ASB6: variants seen among roughly 807,000 people sequenced by gnomAD.
ASB6 encodes the protein ankyrin repeat and SOCS box containing 6, also known as ankyrin repeat and SOCS box protein 6.
A neutral mutation model predicts 28.6 loss-of-function variants in ASB6; 24 were observed. That is an observed-to-expected ratio of 0.84 (90% CI 0.61 to 1.18). ASB6 has a LOEUF of 1.18. ASB6 is among the 50% of genes most tolerant of loss of function. The pLI is 0.00. For missense variants in ASB6, 519 were observed against 559.8 expected (o/e 0.93, Z 0.74); for synonymous variants, 267 against 243.4 (o/e 1.10, Z -0.90).
intron 4 of ASB6, among the ~76,000 whole-genome samples, 187 bp downstream of exon 4, chr9:129,639,015 G>A (rs1831628159): frequency 6.6e-6 from 1 of 152,236 alleles, no homozygotes; most frequent in African/African-American, 2.4e-5. Flanking sequence ...GACAATGACT[G>A]CACTGCCTCT....
rs920918908 is a variant in ASB6, at chr9:129,636,862, G to A, written c.*928C>T. On this transcript the variant is annotated 3_prime_UTR_variant, in exon 6 of 6. Transcript: ENST00000277458. Reference sequence around the variant, plus strand: ...AGCCTCTATCCTGAACTATGGAGGGGCGGGGTGGAAATTTTATATAAGGAC... The same window carrying A: ...AGCCTCTATCCTGAACTATGGAGGGACGGGGTGGAAATTTTATATAAGGAC... The A allele has an allele frequency of 1.3e-5, 2 of 152,132 alleles. No individual in the cohort carries two copies. Among genetic ancestry groups the A allele is most frequent in the African/African-American group, 2.4e-5 (1 of 41,402 alleles). The allele number at this position is 152,132 out of a possible 1,614,324, so 9.4% of individuals were successfully genotyped here. A position where few individuals can be genotyped will look rare whatever the true frequency, so the allele number is the denominator to read the frequency against.
At chr9:129,639,067 G>T in intron 4 of ASB6, 135 bp downstream of exon 4, 2 of 865,452 alleles carry the variant, frequency 2.3e-6, no homozygotes, top group Non-Finnish European at 3.6e-6. Context: ...ATCCCTGTGT[G>T]CCCAGCCATG....
Position 129,638,574 on chromosome 9 carries a change from T to A in ASB6, c.597A>T (p.Gly199=), listed in dbSNP as rs1284295823. Residue 199 remains glycine (G), a splice_region_variant and synonymous_variant, in exon 5 of 6, where the codon GGA becomes GGT. Coordinates refer to ENST00000277458, the MANE Select transcript of ASB6 (RefSeq NM_017873.4). ...NTENIRLLLE[G]GADVKATTKD... ...GGCCTAGGAGCGCGCCAGCCTCACCTCCTTCCAGTAAGAGACGAATGTTCT... is the reference window on the plus strand; with the variant it reads ...GGCCTAGGAGCGCGCCAGCCTCACCACCTTCCAGTAAGAGACGAATGTTCT... The A allele has an allele frequency of 1.4e-5, 22 of 1,613,922 alleles. No individual in the cohort carries two copies. The highest frequency in any genetic ancestry group is 3.3e-5 in the South Asian group (3 of 91,028).
At position 129,637,554 on chromosome 9, in the gene ASB6, T is replaced by G; in HGVS notation, c.*236A>C. The G allele has an allele frequency of 3.9e-5, 15 of 383,968 alleles. No homozygotes were observed. The highest frequency in any genetic ancestry group is 6.9e-4 in the Middle Eastern group (1 of 1,444). The allele number at this position is 383,968 out of a possible 1,614,324, so 23.8% of individuals were successfully genotyped here. ...CCAAGCCCTGTTCCTCTTTCCAACATGGGGGGGACTTGGAGTGCCGCTGGA... is the reference window on the plus strand; with the variant it reads ...CCAAGCCCTGTTCCTCTTTCCAACAGGGGGGGGACTTGGAGTGCCGCTGGA... On this transcript the variant is annotated 3_prime_UTR_variant, in exon 6 of 6. Transcript: ENST00000277458.
Position 129,638,072 on chromosome 9 carries a change from A to G in ASB6, c.984T>C (p.Thr328=), listed in dbSNP as rs762017113. 9 of 1,614,224 alleles carry G rather than the reference A, an allele frequency of 5.6e-6. No individual in the cohort carries two copies. Among genetic ancestry groups the G allele is most frequent in the Non-Finnish European group, 2.5e-6 (3 of 1,180,050 alleles). Residue 328 remains threonine (T), a synonymous_variant, in exon 6 of 6, where the codon ACT becomes ACC. Transcript: ENST00000277458. ...SHADLLRKAE[T]VLDLMVTNSQ... ...AGTTGGTCACCATGAGATCCAGGACAGTCTCAGCTTTGCGCAGGAGGTCCG... is the reference window on the plus strand; with the variant it reads ...AGTTGGTCACCATGAGATCCAGGACGGTCTCAGCTTTGCGCAGGAGGTCCG...
At position 129,637,681 on chromosome 9, in the gene ASB6, C is replaced by G. The variant is rs1831588596; in HGVS notation, c.*109G>C. ...CTGGCTGGCTTTTCTCATGAAGGAT[C>G]CCGTCTCATCTCCCAGATCAAAAAG... On this transcript the variant is annotated 3_prime_UTR_variant, in exon 6 of 6. Coordinates refer to ENST00000277458, the MANE Select transcript of ASB6 (RefSeq NM_017873.4). 13 of 1,185,768 alleles carry G rather than the reference C, an allele frequency of 1.1e-5. No homozygotes were observed. Among genetic ancestry groups the G allele is most frequent in the African/African-American group, 1.5e-5 (1 of 65,106 alleles). 73.5% of individuals were successfully genotyped at this position (1,185,768 alleles called of 1,614,324 possible).
rs769882744 is a variant in ASB6 at position 129,635,345 on chromosome 9, C to T, written c.*2445G>A. ...GGACGACGTGGACAGCAGCGTGTGC[C>T]GGGACCTTGACGTGGTCCGCAGGAT... On this transcript the variant is annotated 3_prime_UTR_variant, in exon 6 of 6. Coordinates refer to ENST00000277458, the MANE Select transcript of ASB6 (RefSeq NM_017873.4). The T allele has an allele frequency of 2.5e-6, 4 of 1,613,796 alleles. No individual in the cohort carries two copies. Among genetic ancestry groups the T allele is most frequent in the South Asian group, 1.1e-5 (1 of 91,090 alleles).
Position 129,640,631 on chromosome 9 carries a change from C to CCTTGAGCAGG in ASB6, c.204_205insCCTGCTCAAG (p.Val69ProfsTer13), listed in dbSNP as rs1831673714. 6.2e-7 allele frequency: 1 copy of CCTTGAGCAGG among 1,614,058 alleles called. No homozygotes were observed. The highest frequency in any genetic ancestry group is 8.5e-7 in the Non-Finnish European group (1 of 1,179,994). On this transcript the variant is annotated frameshift_variant, in exon 2 of 6. Transcript: ENST00000277458. LOFTEE classifies it high-confidence loss of function. ...GCCATCTTGAGCAGGGCGTTGCTCA[C>CCTTGAGCAGG]GCCTTCCTGGTAAAAGGGAGAGTGG...
intron 1 of ASB6, 80 bp downstream of exon 1, chr9:129,641,807 C>A: frequency 1.4e-6 from 2 of 1,389,436 alleles, no homozygotes; most frequent in Non-Finnish European, 1.9e-6. Context: ...ACGCATCCAC[C>A]CCGCCCGGCT....
rs779046182 is a variant in ASB6, at chr9:129,638,622, G to A, written c.549C>T (p.Asp183=). 19 of 1,613,704 alleles carry A rather than the reference G, an allele frequency of 1.2e-5. No individual in the cohort carries two copies. Among genetic ancestry groups the A allele is most frequent in the East Asian group, 8.9e-5 (4 of 44,886 alleles). Residue 183 remains aspartate (D), a synonymous_variant, in exon 5 of 6, where the codon GAC becomes GAT. Transcript: ENST00000277458. The part of the protein sequence containing the change: ...TALLHALASS[D]GVQIHNTENI... ...TCTCAGTATTGTGGATCTGCACCCC[G>A]TCGCTGCTGGCCAGAGCATGGAGCA...
Position 129,635,386 on chromosome 9 carries a change from C to T in ASB6, c.*2404G>A, listed in dbSNP as rs1831486466. 9 of 1,613,686 alleles carry T rather than the reference C, an allele frequency of 5.6e-6. No homozygotes were observed. Among genetic ancestry groups the T allele is most frequent in the Non-Finnish European group, 6.8e-6 (8 of 1,180,016 alleles). On this transcript the variant is annotated 3_prime_UTR_variant, in exon 6 of 6. Coordinates refer to ENST00000277458, the MANE Select transcript of ASB6 (RefSeq NM_017873.4). ...TCCGCAGGATCATCTGCAGTGCAGG[C>T]CTCAGCCTCCTGGCCGAGGAGAGGC...
rs1248784847 is a variant in ASB6, at chr9:129,637,130, G to A, written c.*660C>T. On this transcript the variant is annotated 3_prime_UTR_variant, in exon 6 of 6. Transcript: ENST00000277458. The stretch of plus-strand genomic sequence containing the variant: ...CACTCATGATTGCTTTTTAGCAGAA[G>A]TCATGGTCGCTGAGGCCCTGGGTTT... 1 of 152,224 alleles carries A rather than the reference G, an allele frequency of 6.6e-6. No individual in the cohort carries two copies. Among genetic ancestry groups the A allele is most frequent in the Non-Finnish European group, 1.5e-5 (1 of 68,068 alleles). The allele number at this position is 152,224 out of a possible 1,614,324, so 9.4% of individuals were successfully genotyped here. A position where few individuals can be genotyped will look rare whatever the true frequency, so the allele number is the denominator to read the frequency against.
Position 129,642,105 on chromosome 9 carries a change from A to G in ASB6, c.-106T>C, listed in dbSNP as rs1470305254. The G allele has an allele frequency of 5.9e-6, 8 of 1,361,596 alleles. No individual in the cohort carries two copies. The highest frequency in any genetic ancestry group is 7.6e-6 in the Non-Finnish European group (8 of 1,057,554). The allele number at this position is 1,361,596 out of a possible 1,614,324, so 84.3% of individuals were successfully genotyped here. ...GGCCGCGGACCCCACCTGCTCCGCCAGTCCAGCCCCTGCGCCCGGCCGGGT... is the reference window on the plus strand; with the variant it reads ...GGCCGCGGACCCCACCTGCTCCGCCGGTCCAGCCCCTGCGCCCGGCCGGGT... On this transcript the variant is annotated 5_prime_UTR_variant, in exon 1 of 6. Coordinates refer to ENST00000277458, the MANE Select transcript of ASB6 (RefSeq NM_017873.4). The surrounding 1 kb of genome is among the most constrained non-coding windows in gnomAD (Gnocchi z 4.3).
rs1831450220 is a variant in ASB6 at position 129,635,070 on chromosome 9, T to C, written c.*2720A>G. ...TGGGGTTTAGTAAATCTCTCGGGACTGAGAGCCAATGAGGCCATGTGTGCA... is the reference window on the plus strand; with the variant it reads ...TGGGGTTTAGTAAATCTCTCGGGACCGAGAGCCAATGAGGCCATGTGTGCA... On this transcript the variant is annotated 3_prime_UTR_variant, in exon 6 of 6. Coordinates refer to ENST00000277458, the MANE Select transcript of ASB6 (RefSeq NM_017873.4). 4.1e-6 allele frequency: 4 copies of C among 978,502 alleles called. No homozygotes were observed. In the South Asian group the frequency reaches 4.7e-5, roughly 12 times the overall value. The allele number at this position is 978,502 out of a possible 1,614,324, so 60.6% of individuals were successfully genotyped here.
Position 129,639,313 on chromosome 9 carries a change from G to A in ASB6, c.403-3C>T, listed in dbSNP as rs1455805870. Reference sequence around the variant, plus strand: ...TCCAAGGGGCTACTCTCGTGGATCTGAGCCAAGGAAGCACAGCCAGGTTGG... The same window carrying A: ...TCCAAGGGGCTACTCTCGTGGATCTAAGCCAAGGAAGCACAGCCAGGTTGG... On this transcript the variant is annotated splice_polypyrimidine_tract_variant and splice_region_variant and intron_variant, in intron 3 of 5. Transcript: ENST00000277458. The A allele has an allele frequency of 6.2e-7, 1 of 1,609,592 alleles. No homozygotes were observed. Among genetic ancestry groups the A allele is most frequent in the South Asian group, 1.1e-5 (1 of 90,862 alleles).
In ASB6 at chr9:129,639,513, A is replaced by G. The variant is rs1410747090; in HGVS notation, c.296-5T>C. 2 of 1,610,674 alleles carry G rather than the reference A, an allele frequency of 1.2e-6. No individual in the cohort carries two copies. Among genetic ancestry groups the G allele is most frequent in the Admixed American group, 1.7e-5 (1 of 59,860 alleles). On this transcript the variant is annotated splice_polypyrimidine_tract_variant and splice_region_variant and intron_variant, in intron 2 of 5. Coordinates refer to ENST00000277458, the MANE Select transcript of ASB6 (RefSeq NM_017873.4). ...CCGTGTAGTAGGTGACTGGGTCTGA[A>G]GGTGCAGACACAGCTCATGTGGGTC...
intron 1 of ASB6, 150 bp from the exon 2 acceptor site, chr9:129,640,872 T>C (rs1831679580): frequency 1.1e-6 from 1 of 904,298 alleles, no homozygotes; most frequent in Non-Finnish European, 1.7e-6. Flanking sequence ...AGCTCTGAAG[T>C]AGAGAGAGGG....
At chr9:129,639,642 G>T in intron 2 of ASB6, 134 bp from the exon 3 acceptor site, 1 of 774,928 alleles carries the variant, frequency 1.3e-6, no homozygotes, top group Non-Finnish European at 2.1e-6. Flanking sequence ...CACCATCAAG[G>T]GTTAGGACAG....
In ASB6 at chr9:129,639,101, A is replaced by G. The variant is rs77326009; in HGVS notation, c.511+101T>C. 3.1e-3 allele frequency: 3,686 copies of G among 1,180,134 alleles called. 92 individuals carry two copies. In the African/African-American group the frequency reaches 0.049, roughly 16 times the overall value. The allele number at this position is 1,180,134 out of a possible 1,614,324, so 73.1% of individuals were successfully genotyped here. A position where few individuals can be genotyped will look rare whatever the true frequency, so the allele number is the denominator to read the frequency against. On this transcript the variant is annotated intron_variant, in intron 4 of 5. Transcript: ENST00000277458. ...TGCTGTGCCACCAGCCAGGGCCAGC[A>G]TCCAGTCTGCCCACCTAGCTGTTGT... is the stretch of plus-strand genomic sequence containing the variant.
Sources: gnomAD v4.1 joint callset for allele counts (sites outside exome capture counted in the v4.1 genomes callset) on GRCh38, gnomAD v4.1.1 for gene constraint, Gnocchi (gnomAD v3.1) non-coding constraint, MANE v1.5 for transcripts, NCBI Gene and HGNC (gene_info 2026-07-23, HGNC 2026-07-21) for gene names.